Variants in RUFY3 observed in about 807,000 individuals in gnomAD.
RUFY3 encodes the protein protein RUFY3.
RUFY3 carries 34 observed loss-of-function variants against 84.0 expected under a neutral mutation model. The observed-to-expected ratio is 0.40, with a 90% CI of 0.31 to 0.54. The LOEUF is 0.54. RUFY3 is among the 20% of genes least tolerant of loss of function. The probability of loss-of-function intolerance (pLI) is 0.39; values close to 1 mark genes in which losing one functional copy is unlikely to be tolerated. For missense variants in RUFY3, 507 were observed against 736.8 expected (o/e 0.69, Z 3.61); for synonymous variants, 242 against 252.9 (o/e 0.96, Z 0.41).
At chr4:70,777,342 C>T (rs1246309602) in intron 7 of RUFY3, among the ~76,000 whole-genome samples, 1 of 152,152 alleles carries the variant, frequency 6.6e-6, no homozygotes, top group Non-Finnish European at 1.5e-5. Context: ...TTGGTATTCT[C>T]AAGTACTTTG....
Position 70,806,662 on chromosome 4 carries a change from C to G in RUFY3, c.*3C>G, listed in dbSNP as rs775811908. On this transcript the variant is annotated 3_prime_UTR_variant, in exon 18 of 18. Transcript: ENST00000381006. ...AATATTCTACCAGCCCATCATAAGA[C>G]TGGAGGCCAAGACCTGGACCAAAAC... is the stretch of plus-strand genomic sequence containing the variant. The G allele has an allele frequency of 1.9e-6, 3 of 1,614,032 alleles. No individual in the cohort carries two copies.
intron 12 of RUFY3, chr4:70,791,413 T>G (rs575818796): frequency 1.5e-4 from 220 of 1,441,584 alleles, no homozygotes; most frequent in Non-Finnish European, 1.9e-4. Flanking sequence ...ACCAAAAAGT[T>G]GACTTTGAAT....
At chr4:70,705,462 C>T (rs1331768235) in intron 1 of RUFY3, among the ~76,000 whole-genome samples, 1 of 152,148 alleles carries the variant, frequency 6.6e-6, no homozygotes, top group African/African-American at 2.4e-5. Flanking sequence ...CCCGAGGCGC[C>T]CGGTGAGGAG....
intron 1 of RUFY3, among the ~76,000 whole-genome samples, chr4:70,710,191 C>T (rs1424971472): frequency 6.6e-6 from 1 of 152,112 alleles, no homozygotes; most frequent in African/African-American, 2.4e-5. Flanking sequence ...TTTATGCTTG[C>T]AGTTTCATTA....
intron 1 of RUFY3, among the ~76,000 whole-genome samples, chr4:70,760,524 T>C (rs1724837574): frequency 6.6e-6 from 1 of 151,822 alleles, no homozygotes; most frequent in South Asian, 2.1e-4. Flanking sequence ...AGTAGCCCTC[T>C]ACACATATTC....
chr4:70,796,930 T>TC (rs1425249545), intron 14 of RUFY3, among the ~76,000 whole-genome samples: 2 of 147,160 alleles, frequency 1.4e-5, no homozygotes, highest in Non-Finnish European at 3.0e-5. Context: ...GGCTCTTTTT[T>TC]CTTTTCTTTT....
At position 70,772,630 on chromosome 4, in the gene RUFY3, A is replaced by AT. The variant is rs372076470; in HGVS notation, c.697-875dup. Among the ~76,000 whole-genome samples, 544 of 152,040 alleles carry AT rather than the reference A, an allele frequency of 3.6e-3. 2 individuals are homozygous for AT. Among genetic ancestry groups the AT allele is most frequent in the African/African-American group, 0.013 (528 of 41,496 alleles). On this transcript the variant is annotated intron_variant, in intron 5 of 17. Transcript: ENST00000381006. ...CTGGTAAAATAGGAAGGGAAGTAAGATTTTTTGGTGTGGATTTTTTTTTTA... is the reference window on the plus strand; with the variant it reads ...CTGGTAAAATAGGAAGGGAAGTAAGATTTTTTTGGTGTGGATTTTTTTTTTA...
At chr4:70,792,527 G>T (rs954199944) in intron 12 of RUFY3, 69 of 985,004 alleles carry the variant, frequency 7.0e-5, no homozygotes, top group Non-Finnish European at 7.8e-5. Context: ...GATGATTTTT[G>T]ATTTGAAGAG....
upstream of RUFY3, among the ~76,000 whole-genome samples, chr4:70,718,387 C>T (rs1038540533): frequency 6.6e-6 from 1 of 152,064 alleles, no homozygotes; most frequent in African/African-American, 2.4e-5. Flanking sequence ...GCTTTGAATC[C>T]ATCATAATGT....
chr4:70,804,275 A>G, intron 16 of RUFY3, 73 bp from the exon 17 acceptor site: 1 of 1,232,420 alleles, frequency 8.1e-7, no homozygotes, highest in South Asian at 1.2e-5. Context: ...TATTGTAGGT[A>G]AAAAATGCAT....
At chr4:70,794,351 C>T (rs148185638) in intron 13 of RUFY3, among the ~76,000 whole-genome samples, 5 of 152,244 alleles carry the variant, frequency 3.3e-5, no homozygotes, top group African/African-American at 7.2e-5. Flanking sequence ...GAGGCCAAGG[C>T]AGGTGTATCA....
At chr4:70,723,623 T>A (rs957852433) in intron 1 of RUFY3, among the ~76,000 whole-genome samples, 2 of 152,218 alleles carry the variant, frequency 1.3e-5, no homozygotes, top group African/African-American at 4.8e-5. Context: ...GAATCATAGC[T>A]ACAAATCGTT....
intron 1 of RUFY3, among the ~76,000 whole-genome samples, chr4:70,748,945 T>C (rs1257852442): frequency 6.6e-6 from 1 of 152,116 alleles, no homozygotes; most frequent in Non-Finnish European, 1.5e-5. Context: ...ATTTTACAGA[T>C]GAAACAGAAG....
chr4:70,742,841 G>T (rs1051501908), intron 1 of RUFY3, among the ~76,000 whole-genome samples: 4 of 152,126 alleles, frequency 2.6e-5, no homozygotes, highest in Non-Finnish European at 4.4e-5. Context: ...GCCTTTGAAT[G>T]TGTGAATTCT....
chr4:70,783,061 AAAAG>A, intron 8 of RUFY3, 26 bp from the exon 9 acceptor site: 1 of 1,322,118 alleles, frequency 7.6e-7, no homozygotes, highest in Non-Finnish European at 1.1e-6. Flanking sequence ...TTAAAAAGAT[AAAAG>A]ATTATTTTTA....
intron 1 of RUFY3, among the ~76,000 whole-genome samples, chr4:70,723,156 T>C (rs1717656332): frequency 6.6e-6 from 1 of 152,218 alleles, no homozygotes; most frequent in Non-Finnish European, 1.5e-5. Context: ...GGATTGTACA[T>C]GATGAATACA....
chr4:70,806,837 C>T lies in RUFY3; in HGVS notation c.*178C>T. 1 of 634,510 alleles carries T rather than the reference C, an allele frequency of 1.6e-6. No individual in the cohort carries two copies. The highest frequency in any genetic ancestry group is 2.6e-5 in the South Asian group (1 of 39,080). The allele number at this position is 634,510 out of a possible 1,614,324, so 39.3% of individuals were successfully genotyped here. ...TTACTGGAAATTTTGCTCATTTTCT[C>T]TAATGACTGTATGAATAAAAGTGAA... On this transcript the variant is annotated 3_prime_UTR_variant, in exon 18 of 18. Transcript: ENST00000381006.
intron 9 of RUFY3, among the ~76,000 whole-genome samples, chr4:70,784,008 C>T (rs1729361725): frequency 6.6e-6 from 1 of 152,176 alleles, no homozygotes; most frequent in African/African-American, 2.4e-5. Flanking sequence ...AGTTACTAGG[C>T]TCTGCGAGGG....
Position 70,765,380 on chromosome 4 carries a change from C to T in RUFY3, c.572+804C>T, listed in dbSNP as rs991081604. The stretch of plus-strand genomic sequence containing the variant: ...GTGATAGAAATCAGGATAATAGTTA[C>T]CTTGAAGAGGTGGGGGTAGAGATTG... On this transcript the variant is annotated intron_variant, in intron 4 of 17. Coordinates refer to ENST00000381006, the MANE Select transcript of RUFY3 (RefSeq NM_001037442.4). Among the ~76,000 whole-genome samples, 20 of 151,952 alleles carry T rather than the reference C, an allele frequency of 1.3e-4. No individual in the cohort carries two copies. The East Asian group carries it at 1.5e-3, about 12-fold the overall frequency.
Sources: gnomAD v4.1 joint callset for allele counts (sites outside exome capture counted in the v4.1 genomes callset) on GRCh38, gnomAD v4.1.1 for gene constraint, MANE v1.5 for transcripts, NCBI Gene and HGNC (gene_info 2026-07-23, HGNC 2026-07-21) for gene names.